HCN1: variants seen among roughly 807,000 people sequenced by gnomAD.
The protein encoded by HCN1 is hyperpolarization activated cyclic nucleotide gated potassium channel 1.
Under a neutral mutation model 78.9 loss-of-function variants are expected in HCN1, and 13 were observed. The observed-to-expected ratio is 0.16, with a 90% CI of 0.11 to 0.26. The LOEUF is 0.26. Ranked by LOEUF, HCN1 falls within the 10% of genes least tolerant of loss-of-function variation. The pLI, the probability that HCN1 is intolerant of heterozygous loss-of-function variation, is 1.00. For missense variants in HCN1, 810 were observed against 1,154.3 expected (o/e 0.70, Z 4.32); for synonymous variants, 552 against 455.5 (o/e 1.21, Z -2.70).
intron 2 of HCN1, among the ~76,000 whole-genome samples, chr5:45,566,096 T>C (rs758227310): frequency 8.5e-5 from 13 of 152,284 alleles, no homozygotes; most frequent in Non-Finnish European, 1.5e-4. Flanking sequence ...CTCCAACAGA[T>C]GACAGAATTT....
intron 1 of HCN1, among the ~76,000 whole-genome samples, chr5:45,652,448 A>G (rs879234471): frequency 2.6e-5 from 4 of 151,948 alleles, no homozygotes; most frequent in Admixed American, 2.6e-4. Flanking sequence ...GACATTACAC[A>G]TGACTCAATT....
intron 5 of HCN1, among the ~76,000 whole-genome samples, chr5:45,324,671 C>T (rs560943914): frequency 6.6e-6 from 1 of 151,760 alleles, no homozygotes; most frequent in East Asian, 2.0e-4. Flanking sequence ...TGGTTTGACA[C>T]TTGGAAAAAT....
chr5:45,684,397 C>A (rs1739762816), intron 1 of HCN1, among the ~76,000 whole-genome samples: 1 of 152,116 alleles, frequency 6.6e-6, no homozygotes. Context: ...ATATCCAGAT[C>A]ACAGAAAATA....
intron 6 of HCN1, among the ~76,000 whole-genome samples, chr5:45,291,391 CT>C (rs1328749425): frequency 6.6e-6 from 1 of 151,984 alleles, no homozygotes; most frequent in Non-Finnish European, 1.5e-5. Context: ...TTTTATAAAT[CT>C]TTCAACCTAT....
intron 1 of HCN1, among the ~76,000 whole-genome samples, chr5:45,687,616 C>T (rs1739834119): frequency 6.6e-6 from 1 of 151,974 alleles, no homozygotes; most frequent in Admixed American, 6.6e-5. Flanking sequence ...TTTTATAATA[C>T]TGTCATTTCT....
chr5:45,553,038 A>C (rs1487066790), intron 2 of HCN1, among the ~76,000 whole-genome samples: 1 of 151,960 alleles, frequency 6.6e-6, no homozygotes, highest in East Asian at 1.9e-4. Context: ...ACCTGGGAAA[A>C]GCACAAGCAT....
At position 45,372,270 on chromosome 5, in the gene HCN1, TTTA is replaced by T. The variant is rs1747412774; in HGVS notation, c.1231-19027_1231-19025del. ...TATATAATATATATTTATATATATA[TTTA>T]TATATATAATATATATTTCATATAT... On this transcript the variant is annotated intron_variant, in intron 4 of 7. Coordinates refer to ENST00000303230, the MANE Select transcript of HCN1 (RefSeq NM_021072.4). 3.7e-5 allele frequency among the ~76,000 whole-genome samples: 3 copies of T among 82,150 alleles called. 1 individual carries two copies. In the Admixed American group the frequency reaches 7.2e-4, roughly 20 times the overall value. The allele number at this position is 82,150 out of a possible 152,430, so 53.9% of individuals were successfully genotyped here. A position where few individuals can be genotyped will look rare whatever the true frequency, so the allele number is the denominator to read the frequency against.
chr5:45,586,222 T>C (rs913869856), intron 2 of HCN1, among the ~76,000 whole-genome samples: 1 of 152,112 alleles, frequency 6.6e-6, no homozygotes, highest in Admixed American at 6.5e-5. Flanking sequence ...GCCTCGGCAA[T>C]GGCGGGCACC....
rs188235924 is a variant in HCN1 at position 45,415,590 on chromosome 5, T to C, written c.1012-18880A>G. On this transcript the variant is annotated intron_variant, in intron 3 of 7. Transcript: ENST00000303230. ...GACTCAGTGTGTTTTCTGGTCTCCT[T>C]TCTCTTTGACTGGACACTTTTAACA... is the stretch of plus-strand genomic sequence containing the variant. Among the ~76,000 whole-genome samples, 408 of 152,214 alleles carry C rather than the reference T, an allele frequency of 2.7e-3. 2 individuals are homozygous for C. Among genetic ancestry groups the C allele is most frequent in the African/African-American group, 9.1e-3 (377 of 41,558 alleles).
intron 5 of HCN1, among the ~76,000 whole-genome samples, chr5:45,317,836 A>C (rs1746030159): frequency 6.6e-6 from 1 of 152,222 alleles, no homozygotes; most frequent in South Asian, 2.1e-4. Flanking sequence ...ACTGGCCATC[A>C]GAGAAATGCA....
intron 4 of HCN1, among the ~76,000 whole-genome samples, chr5:45,393,808 T>C (rs78118946): frequency 0.035 from 5,301 of 152,268 alleles, 338 homozygotes; most frequent in African/African-American, 0.12. Context: ...CCTATGCTCA[T>C]TGAACTGCAA....
chr5:45,385,370 A>C (rs1031113871), intron 4 of HCN1, among the ~76,000 whole-genome samples: 1 of 152,136 alleles, frequency 6.6e-6, no homozygotes, highest in African/African-American at 2.4e-5. Flanking sequence ...TTTAATTAAA[A>C]AAAGGAAATT....
At chr5:45,575,025 C>A (rs74338772) in intron 2 of HCN1, 11,777 of 152,196 alleles carry the variant, frequency 0.077, 596 homozygotes, top group Middle Eastern at 0.15. Context: ...GGTGATGCAG[C>A]AACTGGTAAG....
chr5:45,385,937 C>A lies in HCN1; in HGVS notation c.1230+10555G>T, dbSNP rs370170829. Among the ~76,000 whole-genome samples, 9 of 152,274 alleles carry A rather than the reference C, an allele frequency of 5.9e-5. No individual in the cohort carries two copies. In the East Asian group the frequency reaches 1.7e-3, roughly 29 times the overall value. On this transcript the variant is annotated intron_variant, in intron 4 of 7. Transcript: ENST00000303230. ...GGACCAGCTTAGCTCTACAATCCTC[C>A]TGCCAGATACCACTAAAACAGAAGG...
intron 6 of HCN1, among the ~76,000 whole-genome samples, chr5:45,276,813 G>C (rs191173626): frequency 7.9e-5 from 12 of 152,032 alleles, no homozygotes; most frequent in African/African-American, 2.4e-4. Flanking sequence ...TGACATGAAG[G>C]GTCTTGGTTA....
chr5:45,440,022 CAT>C (rs1367470657), intron 3 of HCN1, among the ~76,000 whole-genome samples: 1 of 147,692 alleles, frequency 6.8e-6, no homozygotes, highest in African/African-American at 2.5e-5. Flanking sequence ...TATATAGTAT[CAT>C]ATAATGTAAT....
intron 6 of HCN1, among the ~76,000 whole-genome samples, chr5:45,273,648 C>A (rs773407486): frequency 3.3e-5 from 5 of 152,158 alleles, no homozygotes; most frequent in African/African-American, 7.2e-5. Context: ...CTCATAGTAA[C>A]CTAAACAAAA....
chr5:45,439,491 G>A (rs893401642), intron 3 of HCN1, among the ~76,000 whole-genome samples: 2 of 152,144 alleles, frequency 1.3e-5, no homozygotes, highest in Non-Finnish European at 2.9e-5. Context: ...AAAATGAAGT[G>A]TAATGAATGA....
At chr5:45,420,707 TAC>T (rs910509486) in intron 3 of HCN1, among the ~76,000 whole-genome samples, 2 of 151,822 alleles carry the variant, frequency 1.3e-5, no homozygotes, top group African/African-American at 4.8e-5. Context: ...ATCACTGTTA[TAC>T]ACACACACAC....
Sources: allele counts gnomAD v4.1 joint callset (sites outside exome capture counted in the v4.1 genomes callset), GRCh38; gene constraint gnomAD v4.1.1; transcripts MANE v1.5; gene names NCBI Gene and HGNC (gene_info 2026-07-23, HGNC 2026-07-21).